The following VPS13B variants were observed in gnomAD, a reference collection of about 807,000 sequenced individuals.
VPS13B encodes the protein intermembrane lipid transfer protein VPS13B.
Under a neutral mutation model 426.4 loss-of-function variants are expected in VPS13B, and 285 were observed. The observed-to-expected ratio is 0.67, with a 90% CI of 0.61 to 0.74. The LOEUF (loss-of-function observed/expected upper bound fraction) is 0.74, where lower values mean the gene tolerates loss of function less well. Ranked by LOEUF, VPS13B falls within the 30% of genes least tolerant of loss-of-function variation. VPS13B has a pLI of 0.00. For missense variants in VPS13B, 4,537 were observed against 4,782.6 expected, an observed-to-expected ratio of 0.95 and a Z score of 1.51; for synonymous variants, 1,676 against 1,676.4, an observed-to-expected ratio of 1.00 and a Z score of 0.01.
chr8:99,715,428 G>T (rs929033515), intron 36 of VPS13B, among the ~76,000 whole-genome samples: 2 of 152,054 alleles, frequency 1.3e-5, no homozygotes, highest in African/African-American at 4.8e-5. Context: ...TCTCTTCTTT[G>T]ATGTTTTAAA....
chr8:99,101,471 A>G (rs1846745233), intron 4 of VPS13B, among the ~76,000 whole-genome samples: 1 of 152,142 alleles, frequency 6.6e-6, no homozygotes. Flanking sequence ...TAGTAATAAT[A>G]TGGGGTTATG....
At chr8:99,135,837 A>G in intron 11 of VPS13B, 104 bp downstream of exon 11, 1 of 1,470,622 alleles carries the variant, frequency 6.8e-7, no homozygotes, top group Non-Finnish European at 9.4e-7. Flanking sequence ...TGCCTTCTGA[A>G]TGCTAATTGT....
chr8:99,067,686 A>G (rs963319570), intron 3 of VPS13B, among the ~76,000 whole-genome samples: 1 of 152,246 alleles, frequency 6.6e-6, no homozygotes, highest in African/African-American at 2.4e-5. Context: ...CACAACAGCA[A>G]CAAGAATCTA....
At chr8:99,016,885 G>A (rs899643789) in intron 2 of VPS13B, among the ~76,000 whole-genome samples, 7 of 151,992 alleles carry the variant, frequency 4.6e-5, no homozygotes, top group African/African-American at 1.5e-4. Context: ...CACTGCGCCC[G>A]GCCAGGAATT....
At chr8:99,051,152 T>G (rs1188742951) in intron 3 of VPS13B, among the ~76,000 whole-genome samples, 1 of 152,242 alleles carries the variant, frequency 6.6e-6, no homozygotes, top group Non-Finnish European at 1.5e-5. Flanking sequence ...TCTAGGGTTT[T>G]TATGGTTTTA....
chr8:99,619,519 C>T (rs1305355302), intron 33 of VPS13B, among the ~76,000 whole-genome samples: 3 of 152,084 alleles, frequency 2.0e-5, no homozygotes, highest in African/African-American at 7.3e-5. Context: ...GGCACTTGGC[C>T]AGGTTCCTTA....
intron 19 of VPS13B, among the ~76,000 whole-genome samples, chr8:99,314,020 T>TA (rs1269295301): frequency 1.3e-5 from 2 of 151,970 alleles, no homozygotes; most frequent in Non-Finnish European, 2.9e-5. Context: ...GTTGGAAAAG[T>TA]GTAGTAGTAG....
chr8:99,591,556 A>G (rs1826676634), intron 33 of VPS13B, among the ~76,000 whole-genome samples: 1 of 152,122 alleles, frequency 6.6e-6, no homozygotes, highest in African/African-American at 2.4e-5. Flanking sequence ...GGTGGTGACA[A>G]AATCTCTCAG....
chr8:99,555,169 C>T (rs1309902250), intron 30 of VPS13B, among the ~76,000 whole-genome samples: 9 of 152,068 alleles, frequency 5.9e-5, no homozygotes, highest in Admixed American at 5.9e-4. Context: ...TAATTAATGT[C>T]AGCCCTCACC....
chr8:99,249,364 A>G (rs1038574189), intron 17 of VPS13B, among the ~76,000 whole-genome samples: 1 of 150,442 alleles, frequency 6.6e-6, no homozygotes, highest in African/African-American at 2.4e-5. Context: ...GTGAACATGC[A>G]TTTTCGTTTC....
At chr8:99,440,257 T>C (rs1165778168) in intron 22 of VPS13B, among the ~76,000 whole-genome samples, 3 of 152,092 alleles carry the variant, frequency 2.0e-5, no homozygotes, top group Non-Finnish European at 4.4e-5. Flanking sequence ...TTTTAAAAGA[T>C]CATTTGTGTT....
intron 19 of VPS13B, among the ~76,000 whole-genome samples, chr8:99,295,418 C>G (rs1819979385): frequency 6.6e-6 from 1 of 152,110 alleles, no homozygotes; most frequent in South Asian, 2.1e-4. Flanking sequence ...CAAATAAAAG[C>G]TACAGAACAT....
intron 33 of VPS13B, among the ~76,000 whole-genome samples, chr8:99,612,833 T>C (rs1827902323): frequency 6.6e-6 from 1 of 152,226 alleles, no homozygotes. Flanking sequence ...CAAATGTGGA[T>C]AGTCAACTTT....
At chr8:99,228,538 T>C (rs1480693058) in intron 17 of VPS13B, among the ~76,000 whole-genome samples, 1 of 152,214 alleles carries the variant, frequency 6.6e-6, no homozygotes, top group African/African-American at 2.4e-5. Context: ...GTTATTTTAT[T>C]TTTAGAACGT....
chr8:99,321,208 T>C (rs1223020597), intron 19 of VPS13B, among the ~76,000 whole-genome samples: 1 of 123,064 alleles, frequency 8.1e-6, no homozygotes, highest in Non-Finnish European at 1.6e-5. Context: ...TTTTTTCTTT[T>C]TCTTTTTTTT....
intron 61 of VPS13B, among the ~76,000 whole-genome samples, chr8:99,874,709 T>G (rs901397340): frequency 3.3e-5 from 5 of 152,150 alleles, no homozygotes; most frequent in African/African-American, 7.2e-5. Flanking sequence ...GATGAGCGCT[T>G]TCTCAGAAAA....
chr8:99,265,493 A>G (rs896071973), intron 17 of VPS13B, among the ~76,000 whole-genome samples: 1 of 152,154 alleles, frequency 6.6e-6, no homozygotes, highest in Non-Finnish European at 1.5e-5. Flanking sequence ...AGATTCTAAG[A>G]TAATTCCCCC....
intron 19 of VPS13B, among the ~76,000 whole-genome samples, chr8:99,377,153 G>T (rs1483956089): frequency 6.6e-6 from 1 of 151,728 alleles, no homozygotes; most frequent in Non-Finnish European, 1.5e-5. Flanking sequence ...TTTGCTTAGT[G>T]TAGATTTATT....
intron 56 of VPS13B, among the ~76,000 whole-genome samples, chr8:99,854,756 C>T (rs925596064): frequency 2.6e-5 from 4 of 152,148 alleles, no homozygotes; most frequent in African/African-American, 4.8e-5. Context: ...TTATGAATAG[C>T]GGTAGGTGAG....
Sources: allele counts gnomAD v4.1 joint callset (sites outside exome capture counted in the v4.1 genomes callset), GRCh38; gene constraint gnomAD v4.1.1; transcripts MANE v1.5; gene names NCBI Gene and HGNC (gene_info 2026-07-23, HGNC 2026-07-21).